The following CRYBG1 variants were observed in gnomAD, a reference collection of about 807,000 sequenced individuals.
CRYBG1 encodes the protein crystallin beta-gamma domain containing 1, also known as beta/gamma crystallin domain-containing protein 1.
A neutral mutation model predicts 189.2 loss-of-function variants in CRYBG1; 139 were observed. The ratio of observed to expected loss-of-function variants is 0.73; its 90% CI spans 0.64 to 0.85. The LOEUF (loss-of-function observed/expected upper bound fraction) is 0.85. Ranked by LOEUF, CRYBG1 falls within the 40% of genes least tolerant of loss-of-function variation. CRYBG1 has a pLI of 0.00. For synonymous variants in CRYBG1, 1,023 were observed against 1,017.1 expected (o/e 1.01, Z -0.11); for missense variants, 2,611 against 2,675.8 (o/e 0.98, Z 0.53).
intron 2 of CRYBG1, among the ~76,000 whole-genome samples, chr6:106,506,063 C>T (rs1351444949): frequency 2.0e-5 from 3 of 152,142 alleles, no homozygotes; most frequent in Non-Finnish European, 4.4e-5. Flanking sequence ...ACCTGTGCAC[C>T]GGTAGCTCCA....
At chr6:106,465,084 C>T (rs573435521) in intron 2 of CRYBG1, among the ~76,000 whole-genome samples, 121 of 152,268 alleles carry the variant, frequency 7.9e-4, no homozygotes, top group Non-Finnish European at 1.1e-3. Flanking sequence ...TCCCCTAATT[C>T]CCAGCTGGCA....
chr6:106,420,783 T>C (rs754348313), intron 1 of CRYBG1: 17 of 152,944 alleles, frequency 1.1e-4, no homozygotes, highest in African/African-American at 3.9e-4. Context: ...TCCCCACTCC[T>C]ACTGCTTCAC....
In CRYBG1 at chr6:106,512,575, C is replaced by T. The variant is rs1281037338; in HGVS notation, c.1458C>T (p.Ser486=). The change falls in exon 3 of 22, where the codon TCC becomes TCT. Residue 486 remains serine (S), a synonymous_variant. Coordinates refer to ENST00000633556, the MANE Select transcript of CRYBG1 (RefSeq NM_001371242.2). ...GGVASAASPE[S]KPSPGTKGQL... ...TTGCCTCCGCTGCGAGCCCAGAGTC[C>T]AAGCCCAGCCCCGGTACCAAAGGGC... 5.6e-6 allele frequency: 9 copies of T among 1,606,542 alleles called. No homozygotes were observed. Among genetic ancestry groups the T allele is most frequent in the Non-Finnish European group, 7.6e-6 (9 of 1,177,232 alleles).
At chr6:106,369,179 A>G (rs1351290526) in intron 1 of CRYBG1, among the ~76,000 whole-genome samples, 1 of 152,228 alleles carries the variant, frequency 6.6e-6, no homozygotes, top group Non-Finnish European at 1.5e-5. Context: ...ATCAGAATCC[A>G]TTTGCAGTGT....
chr6:106,507,059 T>C (rs1582803269), intron 2 of CRYBG1, among the ~76,000 whole-genome samples: 1 of 152,182 alleles, frequency 6.6e-6, no homozygotes, highest in East Asian at 1.9e-4. Flanking sequence ...TATAGTAGTA[T>C]ATATAGTAGG....
chr6:106,450,022 C>T (rs890995050), intron 1 of CRYBG1, among the ~76,000 whole-genome samples: 2 of 151,782 alleles, frequency 1.3e-5, no homozygotes, highest in African/African-American at 4.8e-5. Flanking sequence ...GTCAGGAGTT[C>T]GAGATTAGCC....
Position 106,544,651 on chromosome 6 carries a change from G to GAA in CRYBG1, c.5120_5121insAA (p.Trp1707Ter). ...EEGEYRDWKAWGGYNGELQSL... is the reference protein window; with the variant it reads ...EEGEYRDWKA The stretch of plus-strand genomic sequence containing the variant: ...GGAGAATACAGGGACTGGAAAGCCT[G>GAA]GGGAGGTTACAATGGAGAGCTTCAG... Residue 1707 changes from tryptophan (W) to a stop codon, truncating the protein, a stop_gained and frameshift_variant, in exon 12 of 22, where the codon TGG (tryptophan) becomes TGAAG (stop). Transcript: ENST00000633556. LOFTEE classifies it high-confidence loss of function. 1 of 1,614,072 alleles carries GAA rather than the reference G, an allele frequency of 6.2e-7. No individual in the cohort carries two copies. The highest frequency in any genetic ancestry group is 1.1e-5 in the South Asian group (1 of 91,072).
At chr6:106,456,145 G>A (rs950050543) in intron 2 of CRYBG1, among the ~76,000 whole-genome samples, 1 of 152,022 alleles carries the variant, frequency 6.6e-6, no homozygotes, top group African/African-American at 2.4e-5. Flanking sequence ...TATTGTTTTT[G>A]ACAGCTTGTT....
At chr6:106,517,429 TAC>T (rs1379017287) in intron 3 of CRYBG1, among the ~76,000 whole-genome samples, 48 of 108,168 alleles carry the variant, frequency 4.4e-4, no homozygotes, top group Middle Eastern at 9.3e-3. Flanking sequence ...CACATATATA[TAC>T]ACACACACAT....
chr6:106,515,968 T>G (rs1054297517), intron 3 of CRYBG1, among the ~76,000 whole-genome samples: 1 of 151,554 alleles, frequency 6.6e-6, no homozygotes, highest in Non-Finnish European at 1.5e-5. Context: ...ATTTTTGTAT[T>G]TTTTTAGAGA....
At chr6:106,388,049 T>G (rs969812224) in intron 1 of CRYBG1, among the ~76,000 whole-genome samples, 2 of 152,184 alleles carry the variant, frequency 1.3e-5, no homozygotes, top group African/African-American at 4.8e-5. Flanking sequence ...CTGTTTTCCC[T>G]CCACAGTTAT....
At chr6:106,435,377 T>A (rs1408460424) in intron 1 of CRYBG1, among the ~76,000 whole-genome samples, 1 of 152,026 alleles carries the variant, frequency 6.6e-6, no homozygotes, top group Non-Finnish European at 1.5e-5. Flanking sequence ...GTTGCCCAGG[T>A]TGGTCTTGAA....
intron 1 of CRYBG1, among the ~76,000 whole-genome samples, chr6:106,435,756 C>T (rs1034523717): frequency 1.1e-4 from 17 of 152,034 alleles, no homozygotes; most frequent in East Asian, 9.7e-4. Flanking sequence ...TTGTATTTTT[C>T]GTAGAAATGG....
At chr6:106,482,609 A>G (rs1002688170) in intron 2 of CRYBG1, among the ~76,000 whole-genome samples, 2 of 152,062 alleles carry the variant, frequency 1.3e-5, no homozygotes, top group African/African-American at 4.8e-5. Flanking sequence ...CCCCGTCTCT[A>G]CTAAAAATAC....
intron 18 of CRYBG1, 32 bp downstream of exon 18, chr6:106,558,657 A>C (rs1217777985): frequency 1.3e-6 from 2 of 1,550,870 alleles, no homozygotes; most frequent in Middle Eastern, 1.7e-4. Context: ...TCAATAAAAT[A>C]GATCATTTTA....
rs1333103706 is a variant in CRYBG1, at chr6:106,511,817, C to T, written c.700C>T (p.Gln234Ter). ...GCAGTGCCATGAAAATGATTCACCC[C>T]AATTAGAACCTCTGGAGGCAGAGGG... ...VQQCHENDSPQLEPLEAEGEP... is the reference protein window; with the variant it reads ...VQQCHENDSP Residue 234 changes from glutamine (Q) to a stop codon, truncating the protein, a stop_gained, in exon 3 of 22, where the codon CAA becomes TAA. Coordinates refer to ENST00000633556, the MANE Select transcript of CRYBG1 (RefSeq NM_001371242.2). LOFTEE classifies it high-confidence loss of function. 48 of 1,522,186 alleles carry T rather than the reference C, an allele frequency of 3.2e-5. No individual in the cohort carries two copies. The highest frequency in any genetic ancestry group is 2.6e-6 in the Non-Finnish European group (3 of 1,138,170). 94.3% of individuals were successfully genotyped at this position (1,522,186 alleles called of 1,614,324 possible).
At chr6:106,500,929 T>C (rs1043993864) in intron 2 of CRYBG1, among the ~76,000 whole-genome samples, 2 of 152,182 alleles carry the variant, frequency 1.3e-5, no homozygotes, top group Admixed American at 6.5e-5. Context: ...GGTTCGGTGA[T>C]AGGTGATTGC....
In CRYBG1 at chr6:106,538,414, A is replaced by G. The variant is rs183354838; in HGVS notation, c.4719-989A>G. ...TAGAAGGGTGTGGTATTGAAAAGCCATAACAATCAGAACCAAGAACTCAAA... is the reference window on the plus strand; with the variant it reads ...TAGAAGGGTGTGGTATTGAAAAGCCGTAACAATCAGAACCAAGAACTCAAA... On this transcript the variant is annotated intron_variant, in intron 8 of 21. Transcript: ENST00000633556. Among the ~76,000 whole-genome samples, 10 of 152,306 alleles carry G rather than the reference A, an allele frequency of 6.6e-5. No homozygotes were observed. In the East Asian group the frequency reaches 9.7e-4, roughly 15 times the overall value.
chr6:106,527,612 T>C, intron 7 of CRYBG1, 142 bp downstream of exon 7: 1 of 868,294 alleles, frequency 1.2e-6, no homozygotes, highest in Non-Finnish European at 1.7e-6. Context: ...TTTTAAGTAT[T>C]TGTACACTTT....
Sources: allele counts gnomAD v4.1 joint callset (sites outside exome capture counted in the v4.1 genomes callset), GRCh38; gene constraint gnomAD v4.1.1; transcripts MANE v1.5; gene names NCBI Gene and HGNC (gene_info 2026-07-23, HGNC 2026-07-21).